Variants in SMYD2 observed in about 807,000 individuals in gnomAD.
SMYD2 encodes SET and MYND domain containing 2.
In SMYD2, 53 loss-of-function variants were observed where a neutral mutation model predicts 59.1. That is an observed-to-expected ratio of 0.90 (90% CI 0.72 to 1.13). SMYD2 has a LOEUF of 1.13. Among genes scored for constraint, SMYD2 ranks in the 50% most tolerant of loss-of-function variants. The pLI is 0.00. For missense variants in SMYD2, 494 were observed against 544.7 expected (o/e 0.91, Z 0.93); for synonymous variants, 208 against 198.8 (o/e 1.05, Z -0.39).
chr1:214,287,456 G>GTGGCCACTGT (rs1656568150), intron 1 of SMYD2, among the ~76,000 whole-genome samples: 3 of 151,618 alleles, frequency 2.0e-5, no homozygotes, highest in Non-Finnish European at 4.4e-5. Context: ...GCATAGTGGC[G>GTGGCCACTGT]GGCGCCTGTA....
intron 6 of SMYD2, 83 bp downstream of exon 6, chr1:214,324,791 C>CT: frequency 1.6e-6 from 2 of 1,230,568 alleles, no homozygotes; most frequent in Non-Finnish European, 2.3e-6. Flanking sequence ...AATAACCCAC[C>CT]TAACTGCATG....
chr1:214,298,900 C>T (rs1397313392), intron 1 of SMYD2, among the ~76,000 whole-genome samples: 1 of 152,186 alleles, frequency 6.6e-6, no homozygotes, highest in Non-Finnish European at 1.5e-5. Context: ...CATCTGTAAT[C>T]CCAGCACTTT....
rs1296209056 is a variant in SMYD2, at chr1:214,336,909, GCACTTAAA to G, written c.*130_*137del. Reference sequence around the variant, plus strand: ...AATAATTGGAATGAAAATACTTCTTGCACTTAAACACTGCACATGCCGTACTTTGAGGT... The same window carrying G: ...AATAATTGGAATGAAAATACTTCTTGCACTGCACATGCCGTACTTTGAGGT... On this transcript the variant is annotated 3_prime_UTR_variant, in exon 12 of 12. Transcript: ENST00000366957. The G allele has an allele frequency of 2.5e-6, 2 of 803,756 alleles. No homozygotes were observed. The highest frequency in any genetic ancestry group is 1.8e-5 in the African/African-American group (1 of 56,936). The allele number at this position is 803,756 out of a possible 1,614,324, so 49.8% of individuals were successfully genotyped here.
intron 2 of SMYD2, among the ~76,000 whole-genome samples, chr1:214,314,314 G>A (rs1416515562): frequency 6.6e-6 from 1 of 152,150 alleles, no homozygotes; most frequent in African/African-American, 2.4e-5. Flanking sequence ...CCTGTAAAAG[G>A]GACTCATTGC....
At chr1:214,300,897 T>C (rs987796728) in intron 1 of SMYD2, among the ~76,000 whole-genome samples, 4 of 152,236 alleles carry the variant, frequency 2.6e-5, no homozygotes, top group African/African-American at 9.6e-5. Flanking sequence ...TCAGGGTCCC[T>C]CTGTACTCTT....
intron 1 of SMYD2, among the ~76,000 whole-genome samples, chr1:214,287,471 C>T (rs1479197366): frequency 6.6e-6 from 1 of 150,764 alleles, no homozygotes; most frequent in Non-Finnish European, 1.5e-5. Context: ...CCTGTAATCC[C>T]AGCTACTTGG....
At position 214,287,231 on chromosome 1, in the gene SMYD2, TG is replaced by T. The variant is rs538093725; in HGVS notation, c.173+5808del. 7.2e-5 allele frequency among the ~76,000 whole-genome samples: 11 copies of T among 151,968 alleles called. No homozygotes were observed. In the East Asian group the frequency reaches 2.1e-3, roughly 29 times the overall value. On this transcript the variant is annotated intron_variant, in intron 1 of 11. Transcript: ENST00000366957. ...TTTTAGGGGCGTTTTTATGGAGTTG[TG>T]GGGAGGGGTGAACACTGGGAAGGAA...
chr1:214,336,150 C>T (rs1285770733), intron 11 of SMYD2, among the ~76,000 whole-genome samples: 2 of 99,996 alleles, frequency 2.0e-5, no homozygotes, highest in Non-Finnish European at 4.0e-5. Flanking sequence ...TTCATGACAT[C>T]GTTTCTCCAG....
chr1:214,301,922 A>G (rs973933075), intron 1 of SMYD2, among the ~76,000 whole-genome samples: 2 of 152,342 alleles, frequency 1.3e-5, no homozygotes, highest in South Asian at 2.1e-4. Context: ...CCACTTCACT[A>G]TACAATGCCA....
intron 11 of SMYD2, among the ~76,000 whole-genome samples, chr1:214,334,748 A>AT (rs1657410349): frequency 6.6e-6 from 1 of 152,244 alleles, no homozygotes; most frequent in South Asian, 2.1e-4. Flanking sequence ...GACCAGTTAC[A>AT]TACCAAGACC....
intron 1 of SMYD2, among the ~76,000 whole-genome samples, chr1:214,288,836 T>C (rs1415772282): frequency 6.6e-6 from 1 of 152,164 alleles, no homozygotes; most frequent in Non-Finnish European, 1.5e-5. Context: ...ATATTTTTAA[T>C]ATTACGCTAG....
intron 1 of SMYD2, among the ~76,000 whole-genome samples, chr1:214,294,438 C>T (rs562468445): frequency 1.4e-4 from 21 of 152,328 alleles, no homozygotes; most frequent in Non-Finnish European, 2.1e-4. Context: ...GAGGCCAAGA[C>T]GGGCGGATGG....
chr1:214,332,117 C>T lies in SMYD2; in HGVS notation c.1037C>T (p.Ala346Val). Residue 346 changes from alanine (A) to valine (V), a missense_variant, in exon 10 of 12, where the codon GCC becomes GTC. By Grantham distance (64) the Ala-to-Val change is moderately conservative (BLOSUM62 0). Coordinates refer to ENST00000366957, the MANE Select transcript of SMYD2 (RefSeq NM_020197.3). ...NVYMLHMMYQAMGVCLYMQDW... is the reference protein window; with the variant it reads ...NVYMLHMMYQVMGVCLYMQDW... ...TACATGTTGCACATGATGTACCAGG[C>T]CATGGGTGTCTGCTTGTACATGCAG... is the stretch of plus-strand genomic sequence containing the variant. 6.2e-7 allele frequency: 1 copy of T among 1,614,128 alleles called. No homozygotes were observed. Among genetic ancestry groups the T allele is most frequent in the Non-Finnish European group, 8.5e-7 (1 of 1,180,026 alleles).
chr1:214,336,663 T>C lies in SMYD2; in HGVS notation c.1222-41T>C, dbSNP rs776429383. On this transcript the variant is annotated intron_variant, in intron 11 of 11. Transcript: ENST00000366957. ...TACCCTGGGTGGAGGTGTGAGGAGA[T>C]TGGCTTCTAGGCTCTCATTGTTTGT... The C allele has an allele frequency of 2.5e-6, 4 of 1,594,164 alleles. No individual in the cohort carries two copies. The African/African-American group carries it at 4.0e-5, about 16-fold the overall frequency.
At chr1:214,294,879 TTTAAG>T (rs1165075274) in intron 1 of SMYD2, among the ~76,000 whole-genome samples, 1 of 152,212 alleles carries the variant, frequency 6.6e-6, no homozygotes, top group Admixed American at 6.5e-5. Context: ...TTAGGAGTAT[TTTAAG>T]TTTTCAAGTA....
intron 1 of SMYD2, among the ~76,000 whole-genome samples, chr1:214,281,997 C>T (rs1293197544): frequency 2.0e-5 from 3 of 152,210 alleles, no homozygotes; most frequent in Admixed American, 1.3e-4. Flanking sequence ...ACTGACCACA[C>T]CCCCTGGATT....
At chr1:214,289,338 T>G (rs1023630493) in intron 1 of SMYD2, among the ~76,000 whole-genome samples, 3 of 152,194 alleles carry the variant, frequency 2.0e-5, no homozygotes, top group Admixed American at 6.5e-5. Flanking sequence ...TCCCTGTCAG[T>G]ATAAAAATAT....
At chr1:214,322,286 G>A (rs1244376261) in intron 5 of SMYD2, among the ~76,000 whole-genome samples, 5 of 152,150 alleles carry the variant, frequency 3.3e-5, no homozygotes, top group South Asian at 2.1e-4. Context: ...GTCATGCTCC[G>A]GTAATTTTGT....
At chr1:214,314,067 C>T (rs1345852687) in intron 2 of SMYD2, among the ~76,000 whole-genome samples, 3 of 152,188 alleles carry the variant, frequency 2.0e-5, no homozygotes, top group South Asian at 2.1e-4. Context: ...ATCTCAGCTA[C>T]TCAGGAGGCT....
Sources: gnomAD v4.1 joint callset for allele counts (sites outside exome capture counted in the v4.1 genomes callset) on GRCh38, gnomAD v4.1.1 for gene constraint, MANE v1.5 for transcripts, NCBI Gene and HGNC (gene_info 2026-07-23, HGNC 2026-07-21) for gene names.